The following NSMCE2 variants were observed in gnomAD, a reference collection of about 807,000 sequenced individuals.
The protein encoded by NSMCE2 is E3 SUMO-protein ligase NSE2.
Under a neutral mutation model 23.8 loss-of-function variants are expected in NSMCE2, and 24 were observed. That is an observed-to-expected ratio of 1.01 (90% confidence interval 0.73 to 1.42). The LOEUF is 1.42. Among genes scored for constraint, NSMCE2 ranks in the 40% most tolerant of loss-of-function variants. The probability of loss-of-function intolerance (pLI) is 0.00; values close to 1 mark genes in which losing one functional copy is unlikely to be tolerated. For missense variants in NSMCE2, 284 were observed against 296.5 expected, an observed-to-expected ratio of 0.96 and a Z score of 0.31; for synonymous variants, 92 against 94.1, an observed-to-expected ratio of 0.98 and a Z score of 0.13.
chr8:125,301,592 A>C (rs1828565264), intron 5 of NSMCE2, among the ~76,000 whole-genome samples: 1 of 151,752 alleles, frequency 6.6e-6, no homozygotes, highest in South Asian at 2.1e-4. Context: ...GCACGGTGTC[A>C]GGACCTCTGC....
At chr8:125,328,773 G>GT (rs911927375) in intron 5 of NSMCE2, among the ~76,000 whole-genome samples, 78 of 150,304 alleles carry the variant, frequency 5.2e-4, no homozygotes, top group South Asian at 5.1e-3. Context: ...TCCACTTTCT[G>GT]TTTTTTTTTC....
rs60308659 is a variant in NSMCE2, at chr8:125,256,922, CAAAAAAAAAAAAAAAAA to C, written c.418+74687_418+74703del. Among the ~76,000 whole-genome samples, 248 of 26,062 alleles carry C rather than the reference CAAAAAAAAAAAAAAAAA, an allele frequency of 9.5e-3. 1 individual carries two copies. Among genetic ancestry groups the C allele is most frequent in the Middle Eastern group, 0.077 (2 of 26 alleles). The allele number at this position is 26,062 out of a possible 152,430, so 17.1% of individuals were successfully genotyped here. A position where few individuals can be genotyped will look rare whatever the true frequency, so the allele number is the denominator to read the frequency against. On this transcript the variant is annotated intron_variant, in intron 5 of 7. Coordinates refer to ENST00000287437, the MANE Select transcript of NSMCE2 (RefSeq NM_173685.4). ...TGGGCGACAAAGCAAGACTCTGTGT[CAAAAAAAAAAAAAAAAA>C]AAAAAAAAAAAAAAAAAAAAGAGGG...
chr8:125,136,312 C>A (rs1231297520), intron 3 of NSMCE2, among the ~76,000 whole-genome samples: 1 of 152,000 alleles, frequency 6.6e-6, no homozygotes, highest in Non-Finnish European at 1.5e-5. Context: ...GGAAACAAAT[C>A]AATAATCTGA....
rs187960895 is a variant in NSMCE2 at position 125,194,382 on chromosome 8, A to G, written c.418+12126A>G. Among the ~76,000 whole-genome samples the G allele has an allele frequency of 1.8e-4, 28 of 152,302 alleles. No individual in the cohort carries two copies. In the East Asian group the frequency reaches 5.2e-3, roughly 28 times the overall value. ...TTTTGAGTGGCTTCTTTCACTTATC[A>G]GAGTGCATTTGACATTCATTAACAG... On this transcript the variant is annotated intron_variant, in intron 5 of 7. Transcript: ENST00000287437.
intron 5 of NSMCE2, among the ~76,000 whole-genome samples, chr8:125,271,671 A>C (rs1827195497): frequency 6.6e-6 from 1 of 152,166 alleles, no homozygotes; most frequent in South Asian, 2.1e-4. Context: ...ATAGGTATGA[A>C]TCAGGTTTCA....
chr8:125,195,035 T>A (rs10089963), intron 5 of NSMCE2, among the ~76,000 whole-genome samples: 3 of 151,970 alleles, frequency 2.0e-5, no homozygotes, highest in African/African-American at 7.3e-5. Context: ...TAGAAACTTA[T>A]TAAAAATATA....
chr8:125,341,911 A>C (rs1458047755), intron 5 of NSMCE2, among the ~76,000 whole-genome samples: 30 of 151,664 alleles, frequency 2.0e-4, no homozygotes, highest in Non-Finnish European at 3.8e-4. Context: ...AAAAAAAAAA[A>C]AAAAAAAAAA....
At position 125,141,458 on chromosome 8, in the gene NSMCE2, T is replaced by G. The variant is rs1820370547; in HGVS notation, c.158-9713T>G. ...GGTCAGTCATAACTCCATCATTTAT[T>G]AACTATGTCATCTGGGGCAAATGAT... On this transcript the variant is annotated intron_variant, in intron 3 of 7. Coordinates refer to ENST00000287437, the MANE Select transcript of NSMCE2 (RefSeq NM_173685.4). Among the ~76,000 whole-genome samples, 8 of 152,236 alleles carry G rather than the reference T, an allele frequency of 5.3e-5. No individual in the cohort carries two copies. The South Asian group carries it at 1.7e-3, about 31-fold the overall frequency.
At chr8:125,257,364 A>G (rs981391639) in intron 5 of NSMCE2, among the ~76,000 whole-genome samples, 1 of 152,006 alleles carries the variant, frequency 6.6e-6, no homozygotes, top group Non-Finnish European at 1.5e-5. Context: ...AAGAAGTTCC[A>G]GGAGAACCAA....
In NSMCE2 at chr8:125,136,742, G is replaced by T. The variant is rs577357260; in HGVS notation, c.158-14429G>T. Among the ~76,000 whole-genome samples, 18 of 152,148 alleles carry T rather than the reference G, an allele frequency of 1.2e-4. 1 individual carries two copies. In the East Asian group the frequency reaches 1.9e-3, roughly 16 times the overall value. ...AACAAAGAGTTTTTTTGAGGCTTCTGGTAGGTTTAGGTGTTTATGAATTAT... is the reference window on the plus strand; with the variant it reads ...AACAAAGAGTTTTTTTGAGGCTTCTTGTAGGTTTAGGTGTTTATGAATTAT... On this transcript the variant is annotated intron_variant, in intron 3 of 7. Coordinates refer to ENST00000287437, the MANE Select transcript of NSMCE2 (RefSeq NM_173685.4).
intron 5 of NSMCE2, among the ~76,000 whole-genome samples, chr8:125,259,982 C>T (rs1031426310): frequency 4.6e-5 from 7 of 152,130 alleles, no homozygotes; most frequent in African/African-American, 1.7e-4. Context: ...ATGAAGCAAC[C>T]GAGGCAGCAG....
At chr8:125,249,245 C>G (rs1052248267) in intron 5 of NSMCE2, among the ~76,000 whole-genome samples, 2 of 151,718 alleles carry the variant, frequency 1.3e-5, no homozygotes, top group Non-Finnish European at 2.9e-5. Context: ...TATACTGTTT[C>G]GAACATGGTT....
chr8:125,122,561 T>G (rs1371889854), intron 3 of NSMCE2, among the ~76,000 whole-genome samples: 1 of 152,182 alleles, frequency 6.6e-6, no homozygotes, highest in Non-Finnish European at 1.5e-5. Context: ...CTCCCTAGAA[T>G]GCCCTTTCTC....
chr8:125,143,762 C>T lies in NSMCE2; in HGVS notation c.158-7409C>T, dbSNP rs1820509353. Among the ~76,000 whole-genome samples the T allele has an allele frequency of 2.0e-5, 3 of 152,152 alleles. No homozygotes were observed. In the South Asian group the frequency reaches 6.2e-4, roughly 32 times the overall value. On this transcript the variant is annotated intron_variant, in intron 3 of 7. Coordinates refer to ENST00000287437, the MANE Select transcript of NSMCE2 (RefSeq NM_173685.4). ...CAAAACTATACAGTTGAATCAGAGA[C>T]ATAAAGTTGGAAGGAATAAGTAGGT...
intron 3 of NSMCE2, among the ~76,000 whole-genome samples, chr8:125,149,155 CA>C (rs2130666496): frequency 6.6e-6 from 1 of 152,162 alleles, no homozygotes; most frequent in East Asian, 1.9e-4. Flanking sequence ...AATGTAAATA[CA>C]AATTTTTCTT....
intron 4 of NSMCE2, among the ~76,000 whole-genome samples, chr8:125,180,094 C>CA (rs1417924004): frequency 1.3e-5 from 2 of 152,186 alleles, no homozygotes; most frequent in Non-Finnish European, 2.9e-5. Flanking sequence ...GGTCTGCTCT[C>CA]AATTCTTCAT....
At chr8:125,261,640 A>G (rs2131050180) in intron 5 of NSMCE2, among the ~76,000 whole-genome samples, 1 of 152,284 alleles carries the variant, frequency 6.6e-6, no homozygotes, top group African/African-American at 2.4e-5. Context: ...TTACAGAACA[A>G]ATATTTAATC....
chr8:125,176,728 A>G (rs1282486998), intron 4 of NSMCE2, among the ~76,000 whole-genome samples: 1 of 152,232 alleles, frequency 6.6e-6, no homozygotes, highest in Non-Finnish European at 1.5e-5. Flanking sequence ...GCGACACTAT[A>G]CATTGTCTTA....
chr8:125,267,311 G>A (rs1826964418), intron 5 of NSMCE2, among the ~76,000 whole-genome samples: 1 of 151,978 alleles, frequency 6.6e-6, no homozygotes, highest in Non-Finnish European at 1.5e-5. Flanking sequence ...CCAGCCAAGG[G>A]TACCTTTTCT....
Sources: gnomAD v4.1 joint callset for allele counts (sites outside exome capture counted in the v4.1 genomes callset) on GRCh38, gnomAD v4.1.1 for gene constraint, MANE v1.5 for transcripts, NCBI Gene and HGNC (gene_info 2026-07-23, HGNC 2026-07-21) for gene names.